MED17: variants seen among roughly 807,000 people sequenced by gnomAD.
MED17 encodes the protein mediator complex subunit 17.
Under a neutral mutation model 80.8 loss-of-function variants are expected in MED17, and 49 were observed. That is an observed-to-expected ratio of 0.61 (90% CI 0.48 to 0.77). The LOEUF is 0.77. Ranked by LOEUF, MED17 falls within the 30% of genes least tolerant of loss-of-function variation. The pLI is 0.00. For synonymous variants in MED17, 281 were observed against 280.4 expected, an observed-to-expected ratio of 1.00 and a Z score of -0.02; for missense variants, 718 against 787.0, an observed-to-expected ratio of 0.91 and a Z score of 1.05.
At chr11:93,800,288 TC>T (rs1304172201) in intron 8 of MED17, among the ~76,000 whole-genome samples, 1 of 152,086 alleles carries the variant, frequency 6.6e-6, no homozygotes, top group Non-Finnish European at 1.5e-5. Flanking sequence ...TCTCATTTCT[TC>T]CCATTGTCTT....
rs1591385969 is a variant in MED17, at chr11:93,796,237, C to T, written c.1013-173C>T. ...ACATGCTGGGATTGCAGGCGTGAGC[C>T]ACCGCACCCGGCCAAATAGTAATCT... On this transcript the variant is annotated intron_variant, in intron 6 of 11. Transcript: ENST00000251871. 4.6e-6 allele frequency: 3 copies of T among 653,110 alleles called. No homozygotes were observed. In the East Asian group the frequency reaches 9.1e-5, roughly 20 times the overall value. 40.5% of individuals were successfully genotyped at this position (653,110 alleles called of 1,614,324 possible).
At chr11:93,787,443 C>T (rs776367064) in intron 1 of MED17, among the ~76,000 whole-genome samples, 16 of 151,874 alleles carry the variant, frequency 1.1e-4, no homozygotes, top group Non-Finnish European at 2.2e-4. Flanking sequence ...AGAAAGGCTA[C>T]GCTCCATCTG....
At chr11:93,801,997 GTATTTAA>G in intron 9 of MED17, 25 bp downstream of exon 9, 2 of 1,598,732 alleles carry the variant, frequency 1.3e-6, no homozygotes. Context: ...TAAAAGTTTT[GTATTTAA>G]TATGTTAATT....
chr11:93,795,736 G>A (rs1309706232), intron 6 of MED17: 1 of 153,556 alleles, frequency 6.5e-6, no homozygotes, highest in Non-Finnish European at 1.4e-5. Flanking sequence ...GGTTTTAGTG[G>A]TGAGAAATTC....
chr11:93,790,931 AC>A, intron 3 of MED17, 138 bp downstream of exon 3: 1 of 765,694 alleles, frequency 1.3e-6, no homozygotes, highest in Non-Finnish European at 2.1e-6. Context: ...ACATGGCAAA[AC>A]CCTATCTCTA....
chr11:93,807,451 TATTA>T lies in MED17; in HGVS notation c.1467-66_1467-63del, dbSNP rs201064734. ...TATTTTCTAATTTGATGTTAACGTT[TATTA>T]TTTATGAAATTGTATAAGATAATTT... On this transcript the variant is annotated intron_variant, in intron 9 of 11. Coordinates refer to ENST00000251871, the MANE Select transcript of MED17 (RefSeq NM_004268.5). The T allele has an allele frequency of 3.0e-4, 269 of 905,930 alleles. 2 individuals are homozygous for T. The East Asian group carries it at 6.4e-3, about 22-fold the overall frequency. 56.1% of individuals were successfully genotyped at this position (905,930 alleles called of 1,614,324 possible).
chr11:93,788,911 TC>T (rs1431501709), intron 2 of MED17: 1 of 152,100 alleles, frequency 6.6e-6, no homozygotes, highest in African/African-American at 2.4e-5. Context: ...AATCCTTCCT[TC>T]CCTTTTTTTT....
Position 93,787,991 on chromosome 11 carries a change from C to G in MED17, c.251-10C>G. The G allele has an allele frequency of 6.2e-7, 1 of 1,612,786 alleles. No individual in the cohort carries two copies. Among genetic ancestry groups the G allele is most frequent in the Non-Finnish European group, 8.5e-7 (1 of 1,179,012 alleles). ...TTCTGTATTTCTTTTTTTTCTCTCT[C>G]TCTTTTTAGGAGTGGTAAAATTTCA... On this transcript the variant is annotated splice_polypyrimidine_tract_variant and intron_variant, in intron 1 of 11. Coordinates refer to ENST00000251871, the MANE Select transcript of MED17 (RefSeq NM_004268.5).
intron 3 of MED17, among the ~76,000 whole-genome samples, chr11:93,792,505 C>G (rs67734074): frequency 0.098 from 14,890 of 152,246 alleles, 772 homozygotes; most frequent in East Asian, 0.14. Flanking sequence ...GATTTGATCA[C>G]ATTGTTTTTA....
intron 3 of MED17, among the ~76,000 whole-genome samples, chr11:93,791,124 A>C (rs1943832170): frequency 6.6e-6 from 1 of 152,156 alleles, no homozygotes. Context: ...AAACAAAAAC[A>C]ATGCTTTCTG....
In MED17 at chr11:93,784,296, A is replaced by G. The variant is rs965759694; in HGVS notation, c.-218A>G. On this transcript the variant is annotated 5_prime_UTR_variant, in exon 1 of 12. Transcript: ENST00000251871. ...CGCGCCTGCCCAGTTTTGCTCCGAA[A>G]GACTTACCGAGGAGGGAGCTTGCGG... 4 of 624,068 alleles carry G rather than the reference A, an allele frequency of 6.4e-6. No homozygotes were observed. The highest frequency in any genetic ancestry group is 1.9e-5 in the African/African-American group (1 of 53,822). The allele number at this position is 624,068 out of a possible 1,614,324, so 38.7% of individuals were successfully genotyped here. A position where few individuals can be genotyped will look rare whatever the true frequency, so the allele number is the denominator to read the frequency against.
chr11:93,793,476 G>A (rs371450720), intron 3 of MED17: 1 of 390,748 alleles, frequency 2.6e-6, no homozygotes, highest in African/African-American at 2.1e-5. Flanking sequence ...GATTTTCTGT[G>A]GAATTCTTAT....
At position 93,813,149 on chromosome 11, in the gene MED17, C is replaced by T. The variant is rs1287603445; in HGVS notation, c.*1085C>T. 1 of 152,158 alleles carries T rather than the reference C, an allele frequency of 6.6e-6. No individual in the cohort carries two copies. Among genetic ancestry groups the T allele is most frequent in the Non-Finnish European group, 1.5e-5 (1 of 68,030 alleles). 9.4% of individuals were successfully genotyped at this position (152,158 alleles called of 1,614,324 possible). The stretch of plus-strand genomic sequence containing the variant: ...ATTAATATGAGGATAGATTTAGGCT[C>T]ATAAGCCTTTTGGTAACACTGAAAG... On this transcript the variant is annotated 3_prime_UTR_variant, in exon 12 of 12. Transcript: ENST00000251871.
Position 93,793,722 on chromosome 11 carries a change from C to T in MED17, c.638-6C>T, listed in dbSNP as rs1335988372. 6.5e-7 allele frequency: 1 copy of T among 1,544,602 alleles called. No homozygotes were observed. The highest frequency in any genetic ancestry group is 1.1e-5 in the South Asian group (1 of 89,390). On this transcript the variant is annotated splice_region_variant and splice_polypyrimidine_tract_variant and intron_variant, in intron 3 of 11. Transcript: ENST00000251871. ...TTATATTTTCCTATTTTTAATACAA[C>T]ATTAGGATCTCTCTTTCCTCATCAT...
chr11:93,801,813 T>C, intron 8 of MED17, 22 bp from the exon 9 acceptor site: 1 of 1,610,902 alleles, frequency 6.2e-7, no homozygotes, highest in African/African-American at 1.3e-5. Context: ...TAAAAAGTTT[T>C]TTAACTTCTT....
chr11:93,806,883 G>A (rs1038598650), intron 9 of MED17: 44 of 152,226 alleles, frequency 2.9e-4, no homozygotes, highest in African/African-American at 1.0e-3. Context: ...AGAAGCTTAT[G>A]GCTCCTGTTA....
intron 9 of MED17, chr11:93,806,617 A>T (rs1207650286): frequency 6.6e-6 from 1 of 152,140 alleles, no homozygotes; most frequent in African/African-American, 2.4e-5. Context: ...AGTTAACAAA[A>T]CCGCTTCTCT....
Position 93,812,081 on chromosome 11 carries a change from C to T in MED17, c.*17C>T. 1.2e-6 allele frequency: 2 copies of T among 1,608,768 alleles called. No homozygotes were observed. The highest frequency in any genetic ancestry group is 1.7e-6 in the Non-Finnish European group (2 of 1,175,278). ...CTACTATGATTTTTTCCAGATGTTT[C>T]CTAAAGAAGTTTCCAGAAACTTTGA... On this transcript the variant is annotated 3_prime_UTR_variant, in exon 12 of 12. Transcript: ENST00000251871.
At chr11:93,789,263 C>T (rs908697565) in intron 2 of MED17, 12 of 152,178 alleles carry the variant, frequency 7.9e-5, no homozygotes, top group African/African-American at 2.9e-4. Flanking sequence ...CCTAAATCTG[C>T]ATTCTTCATT....
Sources: allele counts gnomAD v4.1 joint callset (sites outside exome capture counted in the v4.1 genomes callset), GRCh38; gene constraint gnomAD v4.1.1; transcripts MANE v1.5; gene names NCBI Gene and HGNC (gene_info 2026-07-23, HGNC 2026-07-21).